The following MACROD2 variants were observed in gnomAD, a reference collection of about 807,000 sequenced individuals.
MACROD2 encodes the protein ADP-ribose glycohydrolase MACROD2.
A neutral mutation model predicts 70.4 loss-of-function variants in MACROD2; 36 were observed. The ratio of observed to expected loss-of-function variants is 0.51; its 90% confidence interval spans 0.39 to 0.68. The LOEUF (loss-of-function observed/expected upper bound fraction) is 0.68, where lower values mean the gene tolerates loss of function less well. Among genes scored for constraint, MACROD2 ranks in the 30% least tolerant of loss-of-function variants. MACROD2 has a pLI of 0.00. For synonymous variants in MACROD2, 172 were observed against 178.8 expected (o/e 0.96, Z 0.30); for missense variants, 496 against 538.4 (o/e 0.92, Z 0.78).
chr20:14,221,579 G>C (rs559293797), intron 3 of MACROD2, among the ~76,000 whole-genome samples: 1 of 152,274 alleles, frequency 6.6e-6, no homozygotes, highest in South Asian at 2.1e-4. Context: ...TGTAGGCAAG[G>C]AACTCATGAC....
At chr20:14,119,893 T>C (rs149484327) in intron 3 of MACROD2, among the ~76,000 whole-genome samples, 5 of 152,118 alleles carry the variant, frequency 3.3e-5, no homozygotes, top group Middle Eastern at 3.4e-3. Context: ...AGGCAAAGGA[T>C]ATGAACAGAC....
At chr20:15,818,823 A>G (rs951245331) in intron 8 of MACROD2, among the ~76,000 whole-genome samples, 4 of 152,156 alleles carry the variant, frequency 2.6e-5, no homozygotes, top group Non-Finnish European at 4.4e-5. Context: ...CCACGCTCTA[A>G]TGATAGCAAT....
At chr20:15,162,163 G>T (rs75961483) in intron 5 of MACROD2, among the ~76,000 whole-genome samples, 2 of 151,972 alleles carry the variant, frequency 1.3e-5, no homozygotes, top group Non-Finnish European at 2.9e-5. Flanking sequence ...GACTTGCTGC[G>T]CTTTCAAGAA....
At chr20:15,906,777 C>T (rs1479929703) in intron 10 of MACROD2, among the ~76,000 whole-genome samples, 4 of 152,214 alleles carry the variant, frequency 2.6e-5, no homozygotes, top group African/African-American at 4.8e-5. Context: ...GATGTTTTCT[C>T]ATGGCTGGAT....
At position 15,713,987 on chromosome 20, in the gene MACROD2, G is replaced by GCACACACACA. The variant is rs3071356; in HGVS notation, c.646-148722_646-148713dup. 2.6e-3 allele frequency among the ~76,000 whole-genome samples: 309 copies of GCACACACACA among 117,772 alleles called. 1 individual carries two copies. Among genetic ancestry groups the GCACACACACA allele is most frequent in the East Asian group, 0.01 (41 of 4,020 alleles). The allele number at this position is 117,772 out of a possible 152,430, so 77.3% of individuals were successfully genotyped here. On this transcript the variant is annotated intron_variant, in intron 8 of 17. Transcript: ENST00000684519. ...TGTTCTAGTAAACACACACACATAT[G>GCACACACACA]CACACACACACACACACACACACAC...
chr20:16,017,672 A>G (rs1267711835), intron 15 of MACROD2, among the ~76,000 whole-genome samples: 2 of 152,188 alleles, frequency 1.3e-5, no homozygotes, highest in Non-Finnish European at 2.9e-5. Context: ...CCCCCTAAGG[A>G]GAAACATCTG....
chr20:15,323,013 A>G (rs2146174284), intron 6 of MACROD2, among the ~76,000 whole-genome samples: 1 of 121,980 alleles, frequency 8.2e-6, no homozygotes, highest in Middle Eastern at 3.9e-3. Context: ...ATGGTCTCTA[A>G]TGACCTCAAC....
intron 5 of MACROD2, among the ~76,000 whole-genome samples, chr20:15,229,511 G>C (rs1034243273): frequency 1.1e-4 from 17 of 152,088 alleles, no homozygotes; most frequent in African/African-American, 4.1e-4. Flanking sequence ...CCTGAAGGTT[G>C]TCTTAGAAGT....
chr20:15,772,664 G>A (rs2051655583), intron 8 of MACROD2, among the ~76,000 whole-genome samples: 1 of 152,124 alleles, frequency 6.6e-6, no homozygotes, highest in South Asian at 2.1e-4. Flanking sequence ...CATGGCAGAA[G>A]ACGAAGGGGA....
intron 5 of MACROD2, among the ~76,000 whole-genome samples, chr20:14,985,524 T>C (rs191368051): frequency 1.3e-5 from 2 of 152,196 alleles, no homozygotes; most frequent in East Asian, 3.9e-4. Flanking sequence ...CCAACAGCAG[T>C]GGACTCCTTA....
At chr20:14,159,986 GT>G (rs2055160948) in intron 3 of MACROD2, among the ~76,000 whole-genome samples, 1 of 152,030 alleles carries the variant, frequency 6.6e-6, no homozygotes, top group South Asian at 2.1e-4. Context: ...TTATCATGTG[GT>G]TTTTGTCCTT....
intron 5 of MACROD2, among the ~76,000 whole-genome samples, chr20:14,735,645 C>T (rs146088692): frequency 6.6e-6 from 1 of 151,890 alleles, no homozygotes; most frequent in South Asian, 2.1e-4. Flanking sequence ...CCCAGGAGTT[C>T]GTGACCAGCC....
At chr20:14,271,609 A>G (rs928611232) in intron 3 of MACROD2, among the ~76,000 whole-genome samples, 1 of 152,246 alleles carries the variant, frequency 6.6e-6, no homozygotes, top group Non-Finnish European at 1.5e-5. Context: ...AAAGGAATGC[A>G]GTTCCTCACC....
At chr20:14,315,229 T>C (rs1386722390) in intron 3 of MACROD2, among the ~76,000 whole-genome samples, 1 of 152,216 alleles carries the variant, frequency 6.6e-6, no homozygotes, top group Non-Finnish European at 1.5e-5. Context: ...CTTTAACTGT[T>C]TGAACTTTGG....
intron 2 of MACROD2, among the ~76,000 whole-genome samples, chr20:14,038,975 A>G (rs1353169136): frequency 2.6e-5 from 4 of 152,130 alleles, no homozygotes; most frequent in African/African-American, 4.8e-5. Flanking sequence ...AAGATAAACT[A>G]TATTTTACAA....
intron 5 of MACROD2, among the ~76,000 whole-genome samples, chr20:14,867,267 G>A (rs891331466): frequency 1.3e-5 from 2 of 152,072 alleles, no homozygotes; most frequent in African/African-American, 2.4e-5. Context: ...TTTTATTTGG[G>A]TGCGATTCAT....
chr20:15,376,554 C>T (rs1422396612), intron 6 of MACROD2, among the ~76,000 whole-genome samples: 1 of 152,204 alleles, frequency 6.6e-6, no homozygotes, highest in Non-Finnish European at 1.5e-5. Flanking sequence ...TCAGTAAAGG[C>T]AGTCTTATTC....
In MACROD2 at chr20:15,044,978, G is replaced by A. The variant is rs1220047775; in HGVS notation, c.419-184962G>A. Reference sequence around the variant, plus strand: ...TGCAGCATCTGAACCTTATGTCAATGTAAGAGTTTTCTACAAAACAGTCAT... The same window carrying A: ...TGCAGCATCTGAACCTTATGTCAATATAAGAGTTTTCTACAAAACAGTCAT... On this transcript the variant is annotated intron_variant, in intron 5 of 17. Transcript: ENST00000684519. Among the ~76,000 whole-genome samples the A allele has an allele frequency of 2.6e-5, 4 of 152,116 alleles. No individual in the cohort carries two copies. In the East Asian group the frequency reaches 7.7e-4, roughly 29 times the overall value.
At chr20:14,819,937 A>C (rs932536687) in intron 5 of MACROD2, among the ~76,000 whole-genome samples, 3 of 152,058 alleles carry the variant, frequency 2.0e-5, no homozygotes, top group Non-Finnish European at 1.5e-5. Flanking sequence ...AGCCCTGGGA[A>C]GCCCATGAAG....
Sources: allele counts gnomAD v4.1 joint callset (sites outside exome capture counted in the v4.1 genomes callset), GRCh38; gene constraint gnomAD v4.1.1; transcripts MANE v1.5; gene names NCBI Gene and HGNC (gene_info 2026-07-23, HGNC 2026-07-21).